CCM2: variants seen among roughly 807,000 people sequenced by gnomAD.
CCM2 encodes cerebral cavernous malformations 2 protein.
CCM2 carries 25 observed loss-of-function variants against 44.9 expected under a neutral mutation model. That is an observed-to-expected ratio of 0.56 (90% CI 0.41 to 0.78). The LOEUF (loss-of-function observed/expected upper bound fraction) is 0.78. Ranked by LOEUF, CCM2 falls within the 30% of genes least tolerant of loss-of-function variation. The pLI, the probability that CCM2 is intolerant of heterozygous loss-of-function variation, is 0.00. For synonymous variants in CCM2, 219 were observed against 241.1 expected (o/e 0.91, Z 0.85); for missense variants, 481 against 580.6 (o/e 0.83, Z 1.76).
At chr7:45,046,677 C>T (rs1467194494) in intron 2 of CCM2, among the ~76,000 whole-genome samples, 3 of 152,174 alleles carry the variant, frequency 2.0e-5, no homozygotes, top group Non-Finnish European at 2.9e-5. Flanking sequence ...TGCAGGGCTA[C>T]GCAGAGTTCT....
intron 1 of CCM2, among the ~76,000 whole-genome samples, chr7:45,029,919 AT>A (rs1391085652): frequency 6.6e-6 from 1 of 152,244 alleles, no homozygotes; most frequent in Non-Finnish European, 1.5e-5. Flanking sequence ...CTTTGTAAGA[AT>A]TTGTAAGGAT....
chr7:45,072,468 G>A, intron 6 of CCM2: 1 of 597,616 alleles, frequency 1.7e-6, no homozygotes, highest in Non-Finnish European at 3.0e-6. Context: ...ATGGGTGAAT[G>A]TGTACTTCAG....
intron 2 of CCM2, among the ~76,000 whole-genome samples, chr7:45,047,478 A>G (rs967965665): frequency 6.6e-6 from 1 of 152,216 alleles, no homozygotes; most frequent in African/African-American, 2.4e-5. Flanking sequence ...TCCAGGCTGC[A>G]GTGAGCCATG....
chr7:45,020,594 G>C (rs528585696), intron 1 of CCM2, among the ~76,000 whole-genome samples: 4 of 152,170 alleles, frequency 2.6e-5, no homozygotes, highest in Non-Finnish European at 5.9e-5. Context: ...AAATGCACTT[G>C]CTGGGAAACA....
intron 1 of CCM2, chr7:45,027,244 C>A (rs1158037157): frequency 3.5e-6 from 1 of 285,580 alleles, no homozygotes; most frequent in South Asian, 3.4e-5. Context: ...AGCCTTGTCG[C>A]GTGTTTCCAC....
At chr7:45,048,789 C>A (rs1237332788) in intron 2 of CCM2, among the ~76,000 whole-genome samples, 1 of 152,102 alleles carries the variant, frequency 6.6e-6, no homozygotes, top group African/African-American at 2.4e-5. Context: ...TCTGTAGTTT[C>A]CATCACAAGC....
chr7:45,055,540 T>G (rs1798216440), intron 2 of CCM2, among the ~76,000 whole-genome samples: 2 of 151,942 alleles, frequency 1.3e-5, no homozygotes, highest in African/African-American at 4.8e-5. Context: ...TACAAAAAAA[T>G]TAGCTGGGTG....
intron 1 of CCM2, chr7:45,027,775 CAG>C: frequency 1.2e-6 from 2 of 1,614,210 alleles, no homozygotes; most frequent in Non-Finnish European, 1.7e-6. Flanking sequence ...GAATTTCACA[CAG>C]GGTATTCCAT....
rs567841648 is a variant in CCM2 at position 45,076,143 on chromosome 7, C to G, written c.*86C>G. ...GGAGCTGCCCAGACCTGCGTGTCAG[C>G]CCTTGGTGGTGGCCAGGGAGAGGCG... On this transcript the variant is annotated 3_prime_UTR_variant, in exon 10 of 10. Coordinates refer to ENST00000258781, the MANE Select transcript of CCM2 (RefSeq NM_031443.4). 17 of 1,580,894 alleles carry G rather than the reference C, an allele frequency of 1.1e-5. No homozygotes were observed. In the Admixed American group the frequency reaches 1.2e-4, roughly 11 times the overall value.
intron 1 of CCM2, among the ~76,000 whole-genome samples, chr7:45,015,696 G>A (rs1291784792): frequency 6.6e-6 from 1 of 152,186 alleles, no homozygotes; most frequent in East Asian, 1.9e-4. Flanking sequence ...TGCCAGTCCA[G>A]AGGTGGCCCA....
intron 2 of CCM2, among the ~76,000 whole-genome samples, chr7:45,049,457 C>G (rs764764520): frequency 6.6e-6 from 1 of 152,182 alleles, no homozygotes; most frequent in African/African-American, 2.4e-5. Flanking sequence ...ACGGTATACA[C>G]TGTTTGCACC....
chr7:45,019,125 G>C (rs757894377), intron 1 of CCM2, among the ~76,000 whole-genome samples: 9 of 145,196 alleles, frequency 6.2e-5, no homozygotes, highest in Non-Finnish European at 1.2e-4. Flanking sequence ...GTGCTGTGGC[G>C]TGATCTCGGC....
chr7:45,045,301 G>T (rs1395161012), intron 2 of CCM2, among the ~76,000 whole-genome samples: 1 of 152,094 alleles, frequency 6.6e-6, no homozygotes, highest in Non-Finnish European at 1.5e-5. Context: ...TGGAACTTTT[G>T]TATTGATTTC....
chr7:45,001,207 CTTGT>C (rs1795610506), intron 1 of CCM2, among the ~76,000 whole-genome samples: 1 of 152,128 alleles, frequency 6.6e-6, no homozygotes, highest in South Asian at 2.1e-4. Context: ...TACTCACCAC[CTTGT>C]TTGACAGAGT....
intron 4 of CCM2, chr7:45,067,601 C>G (rs1261348157): frequency 6.6e-6 from 1 of 152,308 alleles, no homozygotes; most frequent in African/African-American, 2.4e-5. Context: ...ATAGTTTGCA[C>G]TCACACATTT....
intron 1 of CCM2, among the ~76,000 whole-genome samples, chr7:45,021,913 A>T (rs989937282): frequency 6.6e-6 from 1 of 152,182 alleles, no homozygotes; most frequent in Non-Finnish European, 1.5e-5. Flanking sequence ...GTAGGTAGCA[A>T]CCTTTTTTTC....
At chr7:45,027,925 C>G in intron 1 of CCM2, 4 of 971,966 alleles carry the variant, frequency 4.1e-6, no homozygotes, top group Non-Finnish European at 6.4e-6. Flanking sequence ...TCTCCATGAC[C>G]CCTGCTTTGG....
chr7:45,062,698 C>T (rs1476708290), intron 2 of CCM2, among the ~76,000 whole-genome samples: 1 of 152,028 alleles, frequency 6.6e-6, no homozygotes, highest in Non-Finnish European at 1.5e-5. Context: ...TGGTGACACA[C>T]ACCTGTAGTA....
At chr7:45,057,534 A>T (rs887134846) in intron 2 of CCM2, among the ~76,000 whole-genome samples, 2 of 152,180 alleles carry the variant, frequency 1.3e-5, no homozygotes. Context: ...GTGGTGGTGT[A>T]GTAAGTTTTG....
Sources: allele counts gnomAD v4.1 joint callset (sites outside exome capture counted in the v4.1 genomes callset), GRCh38; gene constraint gnomAD v4.1.1; transcripts MANE v1.5; gene names NCBI Gene and HGNC (gene_info 2026-07-23, HGNC 2026-07-21).